The following MAPK8IP3 variants were observed in gnomAD, a reference collection of about 807,000 sequenced individuals.
MAPK8IP3 encodes C-Jun-amino-terminal kinase-interacting protein 3.
MAPK8IP3 carries 49 observed loss-of-function variants against 157.8 expected under a neutral mutation model. The observed-to-expected ratio is 0.31, with a 90% CI of 0.25 to 0.39. The LOEUF (loss-of-function observed/expected upper bound fraction) is 0.39. Ranked by LOEUF, MAPK8IP3 falls within the 10% of genes least tolerant of loss-of-function variation. MAPK8IP3 has a pLI of 1.00. For synonymous variants in MAPK8IP3, 897 were observed against 777.7 expected, an observed-to-expected ratio of 1.15 and a Z score of -2.55; for missense variants, 1,478 against 1,889.4, an observed-to-expected ratio of 0.78 and a Z score of 4.04.
In MAPK8IP3 at chr16:1,743,848, GAC is replaced by G; in HGVS notation, c.747+376_747+377del. On this transcript the variant is annotated intron_variant, in intron 5 of 31. Coordinates refer to ENST00000610761, the MANE Select transcript of MAPK8IP3 (RefSeq NM_001318852.2). The surrounding 1 kb of genome is among the most constrained non-coding windows in gnomAD (Gnocchi z 5.6). Reference sequence around the variant, plus strand: ...CTCATGCTCACCCGGGCTCCAGCCAGACACATCCTGCCCCTGAGAGCCACGCC... The same window carrying G: ...CTCATGCTCACCCGGGCTCCAGCCAGACATCCTGCCCCTGAGAGCCACGCC... 2 of 1,110,636 alleles carry G rather than the reference GAC, an allele frequency of 1.8e-6. No homozygotes were observed. Among genetic ancestry groups the G allele is most frequent in the East Asian group, 7.5e-5 (1 of 13,306 alleles). 68.8% of individuals were successfully genotyped at this position (1,110,636 alleles called of 1,614,324 possible).
At chr16:1,716,294 T>C (rs1045272025) in intron 1 of MAPK8IP3, among the ~76,000 whole-genome samples, 3 of 151,258 alleles carry the variant, frequency 2.0e-5, no homozygotes, top group African/African-American at 7.3e-5. Context: ...GAAGACCCTA[T>C]GCTCTCAGGT....
chr16:1,716,310 CTTTT>C, intron 1 of MAPK8IP3, among the ~76,000 whole-genome samples: 1 of 129,534 alleles, frequency 7.7e-6, no homozygotes, highest in South Asian at 2.5e-4. Flanking sequence ...CAGGTCATTT[CTTTT>C]TTTTTTTTTT....
In MAPK8IP3 at chr16:1,764,431, G is replaced by A. The variant is rs201443607; in HGVS notation, c.2252G>A (p.Ser751Asn). 1.2e-6 allele frequency: 2 copies of A among 1,608,002 alleles called. No homozygotes were observed. The highest frequency in any genetic ancestry group is 1.7e-6 in the Non-Finnish European group (2 of 1,178,790). ...CGCGAAGGAGACGGCGAGCCCAAGA[G>A]CGCCCACACGTCTCCCGAGAAGAAG... ...CDREGDGEPK[S>N]AHTSPEKKKA... The change falls in exon 19 of 32, where the codon AGC (serine) becomes AAC (asparagine). Residue 751 changes from serine to asparagine, a missense_variant. Physicochemically the swap from Ser to Asn is conservative, Grantham distance 46. Around this residue, in one of 11 missense-constraint regions of MAPK8IP3, gnomAD observed 669 missense variants for 759.8 expected, o/e 0.88. Coordinates refer to ENST00000610761, the MANE Select transcript of MAPK8IP3 (RefSeq NM_001318852.2).
chr16:1,767,381 G>A lies in MAPK8IP3; in HGVS notation c.3237+84G>A, dbSNP rs73483704. ...CCGCATCTTCCATACGGAAGTCCAC[G>A]AGGCCCTACGTGGGTCCCATCTCCC... On this transcript the variant is annotated intron_variant, in intron 26 of 31. Transcript: ENST00000610761. The A allele has an allele frequency of 4.9e-3, 7,676 of 1,575,872 alleles. 257 individuals are homozygous for A. The African/African-American group carries it at 0.077, about 16-fold the overall frequency.
intron 2 of MAPK8IP3, among the ~76,000 whole-genome samples, chr16:1,728,244 G>A (rs779241489): frequency 4.6e-5 from 7 of 152,214 alleles, no homozygotes; most frequent in Non-Finnish European, 1.0e-4. Flanking sequence ...GTCACGGGGG[G>A]CCTCCCGTTT....
At position 1,768,089 on chromosome 16, in the gene MAPK8IP3, C is replaced by G. The variant is rs564415376; in HGVS notation, c.3544C>G (p.Gln1182Glu). The G allele has an allele frequency of 6.2e-7, 1 of 1,612,332 alleles. No homozygotes were observed. The highest frequency in any genetic ancestry group is 1.3e-5 in the African/African-American group (1 of 75,038). The change falls in exon 29 of 32, where the codon CAG (glutamine) becomes GAG (glutamate). Residue 1182 changes from glutamine to glutamate, a missense_variant. This residue lies in a region of MAPK8IP3 where 83 missense variants were observed against 85.3 expected (regional missense o/e 0.97). Transcript: ENST00000610761. ...CCCAGCTGTGGTCCTGCACCGAGGC[C>G]AGCTCCTGGGGCTCCGAGGTAAGCC... ...LTETVVLHRGQLLGLRANKTS... is the reference protein window; with the variant it reads ...LTETVVLHRGELLGLRANKTS...
chr16:1,737,775 A>AGT (rs144825749), intron 4 of MAPK8IP3, among the ~76,000 whole-genome samples: 32,185 of 36,618 alleles, frequency 0.88, 15,072 homozygotes, highest in South Asian at 0.96. Context: ...CATCCGTGTG[A>AGT]GTGACCATCC....
rs747846478 is a variant in MAPK8IP3 at position 1,734,392 on chromosome 16, TG to T, written c.602+4816del. Among the ~76,000 whole-genome samples, 4 of 152,236 alleles carry T rather than the reference TG, an allele frequency of 2.6e-5. No homozygotes were observed. The South Asian group carries it at 8.3e-4, about 32-fold the overall frequency. ...TCGGTCACGCCTGCTGTTGCGGTGG[TG>T]GCATTAAGAGCCACCTCCGGGCTCG... On this transcript the variant is annotated intron_variant, in intron 4 of 31. Transcript: ENST00000610761.
In MAPK8IP3 at chr16:1,766,360, G is replaced by A. The variant is rs757827675; in HGVS notation, c.2770G>A (p.Val924Ile). 18 of 1,612,592 alleles carry A rather than the reference G, an allele frequency of 1.1e-5. No individual in the cohort carries two copies. The highest frequency in any genetic ancestry group is 3.3e-4 in the Middle Eastern group (2 of 6,062). Residue 924 changes from valine to isoleucine, a missense_variant, in exon 22 of 32, where the codon GTC (valine) becomes ATC (isoleucine). This residue lies in a region of MAPK8IP3 where 669 missense variants were observed against 759.8 expected (regional missense o/e 0.88). Transcript: ENST00000610761. Reference sequence around the variant, plus strand: ...GCGGCCCGGGCCTCTCACAGAGCACGTCTTCACTGACCCAGCCCCGACCCC... The same window carrying A: ...GCGGCCCGGGCCTCTCACAGAGCACATCTTCACTGACCCAGCCCCGACCCC... ...TLRPGPLTEH[V>I]FTDPAPTPSS...
At chr16:1,748,804 AGTCCTCTGTCAGCT>A in intron 8 of MAPK8IP3, 84 bp downstream of exon 8, 1 of 1,238,540 alleles carries the variant, frequency 8.1e-7, no homozygotes, top group African/African-American at 1.5e-5. Flanking sequence ...ATGAAAGGAA[AGTCCTCTGTCAGCT>A]GTGAGCTAGG....
chr16:1,762,419 G>A lies in MAPK8IP3; in HGVS notation c.1608G>A (p.Arg536=), dbSNP rs1401109034. The change falls in exon 14 of 32, where the codon CGG becomes CGA. Residue 536 remains arginine (R), a synonymous_variant. Transcript: ENST00000610761. Reference sequence around the variant, plus strand: ...AGATGGCCCGTGTGCTCATGGAGCGGAACCAGTACAAGGAGCGGCTGATGG... The same window carrying A: ...AGATGGCCCGTGTGCTCATGGAGCGAAACCAGTACAAGGAGCGGCTGATGG... ...RVEMARVLME[R]NQYKERLMEL... The A allele has an allele frequency of 3.7e-6, 6 of 1,607,484 alleles. No homozygotes were observed. Among genetic ancestry groups the A allele is most frequent in the East Asian group, 4.5e-5 (2 of 44,562 alleles).
chr16:1,758,397 C>T (rs960920452), intron 9 of MAPK8IP3, among the ~76,000 whole-genome samples: 2 of 152,228 alleles, frequency 1.3e-5, no homozygotes, highest in Admixed American at 6.5e-5. Context: ...CCCCGCGGGC[C>T]ATTTCTGAAG....
intron 19 of MAPK8IP3, 118 bp from the exon 20 acceptor site, chr16:1,764,895 T>TCC: frequency 3.1e-6 from 3 of 965,704 alleles, no homozygotes; most frequent in South Asian, 3.3e-5. Context: ...GACAGCCATG[T>TCC]CCCCTCAAGC....
intron 8 of MAPK8IP3, among the ~76,000 whole-genome samples, chr16:1,756,581 A>C (rs2041609509): frequency 6.6e-6 from 1 of 151,242 alleles, no homozygotes; most frequent in Admixed American, 6.6e-5. Context: ...CCAGGAGTTG[A>C]AGACCAGCCT....
At chr16:1,767,524 C>A in intron 26 of MAPK8IP3, 40 bp from the exon 27 acceptor site, 1 of 1,595,170 alleles carries the variant, frequency 6.3e-7, no homozygotes, top group Non-Finnish European at 8.6e-7. Context: ...ACTTCCTCTC[C>A]TCTCCCCAGC....
At chr16:1,746,986 C>T in intron 5 of MAPK8IP3, 43 bp from the exon 6 acceptor site, 3 of 1,602,104 alleles carry the variant, frequency 1.9e-6, no homozygotes, top group Middle Eastern at 1.7e-4. Flanking sequence ...AGGCCAGGGA[C>T]CTGCAGTGAC....
At chr16:1,762,313 C>T (rs780133372) in intron 13 of MAPK8IP3, 38 bp from the exon 14 acceptor site, 12 of 1,538,052 alleles carry the variant, frequency 7.8e-6, no homozygotes, top group South Asian at 6.0e-5. Context: ...ACCCGGCCTC[C>T]GAGGGCTGGC....
At position 1,742,927 on chromosome 16, in the gene MAPK8IP3, C is replaced by G. The variant is rs989162035; in HGVS notation, c.603-405C>G. ...CATCAGGTCAGGAGATCGAGACCATCCTGGCTAACACGGTGAAACCCCGTC... is the reference window on the plus strand; with the variant it reads ...CATCAGGTCAGGAGATCGAGACCATGCTGGCTAACACGGTGAAACCCCGTC... On this transcript the variant is annotated intron_variant, in intron 4 of 31. Transcript: ENST00000610761. The surrounding 1 kb of genome is among the most constrained non-coding windows in gnomAD (Gnocchi z 5.0). Among the ~76,000 whole-genome samples the G allele has an allele frequency of 2.6e-5, 4 of 151,904 alleles. No homozygotes were observed. The highest frequency in any genetic ancestry group is 9.7e-5 in the African/African-American group (4 of 41,338).
chr16:1,732,969 G>C (rs1421422588), intron 4 of MAPK8IP3, among the ~76,000 whole-genome samples: 1 of 152,268 alleles, frequency 6.6e-6, no homozygotes, highest in Non-Finnish European at 1.5e-5. Context: ...CCCACAGTGG[G>C]AGATTCTCAT....
Sources: allele counts gnomAD v4.1 joint callset (sites outside exome capture counted in the v4.1 genomes callset), GRCh38; gene constraint gnomAD v4.1.1; regional missense constraint gnomAD v4.1.1; non-coding constraint Gnocchi (gnomAD v3.1); transcripts MANE v1.5; gene names NCBI Gene and HGNC (gene_info 2026-07-23, HGNC 2026-07-21).